DPP10: variants seen among roughly 807,000 people sequenced by gnomAD.
The protein encoded by DPP10 is inactive dipeptidyl peptidase 10.
A neutral mutation model predicts 120.9 loss-of-function variants in DPP10; 33 were observed. That is an observed-to-expected ratio of 0.27 (90% confidence interval 0.21 to 0.37). The LOEUF (loss-of-function observed/expected upper bound fraction) is 0.37, where lower values mean the gene tolerates loss of function less well. Among genes scored for constraint, DPP10 ranks in the 10% least tolerant of loss-of-function variants. The probability of loss-of-function intolerance (pLI) is 1.00; values close to 1 mark genes in which losing one functional copy is unlikely to be tolerated. For missense variants in DPP10, 816 were observed against 942.8 expected (o/e 0.87, Z 1.76); for synonymous variants, 337 against 326.1 (o/e 1.03, Z -0.36).
chr2:114,763,855 CCT>C lies in DPP10; in HGVS notation c.60+321020_60+321021del, dbSNP rs150560467. 1.2e-3 allele frequency among the ~76,000 whole-genome samples: 177 copies of C among 152,292 alleles called. 2 individuals carry two copies. Among genetic ancestry groups the C allele is most frequent in the African/African-American group, 4.2e-3 (173 of 41,560 alleles). ...AAGTCTTGAAAACTCTTTCCTCCAT[CCT>C]CTGTTTCCTAGAGATTACTCTTTCA... On this transcript the variant is annotated intron_variant, in intron 1 of 25. Coordinates refer to ENST00000410059, the MANE Select transcript of DPP10 (RefSeq NM_020868.6).
chr2:115,366,437 T>C (rs1164758826), intron 3 of DPP10, among the ~76,000 whole-genome samples: 1 of 152,124 alleles, frequency 6.6e-6, no homozygotes, highest in African/African-American at 2.4e-5. Context: ...TCCTGGTTTA[T>C]TCCTTAGAGT....
intron 5 of DPP10, among the ~76,000 whole-genome samples, chr2:115,618,937 C>T (rs1284474924): frequency 6.6e-6 from 1 of 150,940 alleles, no homozygotes; most frequent in Non-Finnish European, 1.5e-5. Context: ...GGTTCTGTTA[C>T]CCTAATTCCC....
At chr2:114,961,910 C>T (rs953269142) in intron 1 of DPP10, among the ~76,000 whole-genome samples, 3 of 151,990 alleles carry the variant, frequency 2.0e-5, no homozygotes, top group South Asian at 2.1e-4. Flanking sequence ...GCTGAGAGCA[C>T]GCCACTGAAC....
At chr2:115,601,479 T>C (rs992935917) in intron 5 of DPP10, among the ~76,000 whole-genome samples, 1 of 152,186 alleles carries the variant, frequency 6.6e-6, no homozygotes, top group Non-Finnish European at 1.5e-5. Context: ...CCTGATTCTG[T>C]AACGTAGATA....
At chr2:115,123,833 G>A (rs1374360521) in intron 1 of DPP10, among the ~76,000 whole-genome samples, 1 of 151,972 alleles carries the variant, frequency 6.6e-6, no homozygotes, top group Non-Finnish European at 1.5e-5. Context: ...ATAGACGTTT[G>A]CCCCAAAAGA....
chr2:115,473,233 A>G (rs1420829061), intron 3 of DPP10, among the ~76,000 whole-genome samples: 1 of 152,216 alleles, frequency 6.6e-6, no homozygotes, highest in Non-Finnish European at 1.5e-5. Context: ...CCTAATAATT[A>G]TTAATCTGAT....
intron 1 of DPP10, among the ~76,000 whole-genome samples, chr2:115,292,531 C>T (rs2060701507): frequency 6.6e-6 from 1 of 152,064 alleles, no homozygotes; most frequent in Non-Finnish European, 1.5e-5. Context: ...AGATAGAACA[C>T]TTCCACACAT....
At chr2:115,731,294 G>C (rs1329281397) in intron 8 of DPP10, among the ~76,000 whole-genome samples, 1 of 151,608 alleles carries the variant, frequency 6.6e-6, no homozygotes, top group African/African-American at 2.4e-5. Context: ...GGAGTTGGAG[G>C]TTGCAGAGCC....
intron 1 of DPP10, among the ~76,000 whole-genome samples, chr2:114,515,422 A>G (rs1375073524): frequency 3.3e-5 from 5 of 152,240 alleles, no homozygotes; most frequent in African/African-American, 1.2e-4. Flanking sequence ...TTAGAAAGAC[A>G]TGAAGCTTAC....
At chr2:115,403,818 G>C (rs887789101) in intron 3 of DPP10, among the ~76,000 whole-genome samples, 2 of 152,080 alleles carry the variant, frequency 1.3e-5, no homozygotes, top group African/African-American at 2.4e-5. Context: ...TCTCTTTGTT[G>C]ATAAGATGAT....
intron 1 of DPP10, among the ~76,000 whole-genome samples, chr2:115,073,344 C>T (rs2104453726): frequency 6.6e-6 from 1 of 152,290 alleles, no homozygotes; most frequent in East Asian, 1.9e-4. Context: ...TTAAAATCCC[C>T]ACTGGTCAAT....
intron 1 of DPP10, among the ~76,000 whole-genome samples, chr2:114,610,421 CA>C (rs1263610233): frequency 1.3e-5 from 2 of 152,014 alleles, no homozygotes; most frequent in Admixed American, 6.6e-5. Context: ...GGTTGACACT[CA>C]AAAGAATGGA....
chr2:115,714,206 T>A (rs913604294), intron 7 of DPP10, among the ~76,000 whole-genome samples: 1 of 152,232 alleles, frequency 6.6e-6, no homozygotes, highest in Non-Finnish European at 1.5e-5. Flanking sequence ...GAGACTCATA[T>A]GGGAAAGGTG....
intron 1 of DPP10, among the ~76,000 whole-genome samples, chr2:115,003,399 A>G (rs1332735954): frequency 3.3e-5 from 5 of 152,110 alleles, no homozygotes; most frequent in Non-Finnish European, 7.3e-5. Context: ...AAGAGAAAAA[A>G]TACCTTATTG....
At chr2:115,468,880 CT>C in intron 3 of DPP10, 1 of 415,698 alleles carries the variant, frequency 2.4e-6, no homozygotes. Context: ...GAAGACTGGT[CT>C]TCAACTCCCA....
intron 1 of DPP10, among the ~76,000 whole-genome samples, chr2:114,693,769 G>T (rs145938738): frequency 6.6e-6 from 1 of 151,770 alleles, no homozygotes; most frequent in African/African-American, 2.4e-5. Context: ...TGGAGGTTTC[G>T]TTTGCTCTTT....
chr2:115,100,023 T>G (rs2048601351), intron 1 of DPP10, among the ~76,000 whole-genome samples: 1 of 152,148 alleles, frequency 6.6e-6, no homozygotes, highest in Admixed American at 6.5e-5. Context: ...TATTCTTGGT[T>G]ATATGGATGA....
chr2:114,462,576 G>A (rs1027369479), intron 1 of DPP10, among the ~76,000 whole-genome samples: 7 of 152,170 alleles, frequency 4.6e-5, no homozygotes, highest in Non-Finnish European at 2.9e-5. Context: ...AACTTCAGAA[G>A]GGATATACTA....
intron 1 of DPP10, among the ~76,000 whole-genome samples, chr2:114,946,741 TTTC>T (rs1465918876): frequency 6.6e-6 from 1 of 152,072 alleles, no homozygotes; most frequent in Non-Finnish European, 1.5e-5. Flanking sequence ...CATAGGGAAT[TTTC>T]TTCTTATTTC....
Sources: gnomAD v4.1 joint callset for allele counts (sites outside exome capture counted in the v4.1 genomes callset) on GRCh38, gnomAD v4.1.1 for gene constraint, MANE v1.5 for transcripts, NCBI Gene and HGNC (gene_info 2026-07-23, HGNC 2026-07-21) for gene names.